NRG3: variants seen among roughly 807,000 people sequenced by gnomAD.
The protein encoded by NRG3 is neuregulin 3.
Under a neutral mutation model 66.9 loss-of-function variants are expected in NRG3, and 31 were observed. That is an observed-to-expected ratio of 0.46 (90% CI 0.35 to 0.63). The LOEUF (loss-of-function observed/expected upper bound fraction) is 0.63, where lower values mean the gene tolerates loss of function less well. Among genes scored for constraint, NRG3 ranks in the 20% least tolerant of loss-of-function variants. NRG3 has a pLI of 0.00. For missense variants in NRG3, 910 were observed against 878.9 expected, an observed-to-expected ratio of 1.04 and a Z score of -0.45; for synonymous variants, 393 against 359.4, an observed-to-expected ratio of 1.09 and a Z score of -1.06.
At chr10:82,488,829 G>A (rs961239222) in intron 2 of NRG3, among the ~76,000 whole-genome samples, 35 of 152,068 alleles carry the variant, frequency 2.3e-4, no homozygotes, top group African/African-American at 8.5e-4. Context: ...TTTTCATGAA[G>A]ATCTTCATAC....
intron 1 of NRG3, among the ~76,000 whole-genome samples, chr10:81,884,292 C>T (rs956435375): frequency 7.9e-5 from 12 of 152,190 alleles, no homozygotes; most frequent in African/African-American, 2.9e-4. Context: ...AGCTCACCTG[C>T]ACTGTACCTG....
intron 2 of NRG3, among the ~76,000 whole-genome samples, chr10:82,367,089 G>A (rs1589869067): frequency 1.3e-5 from 2 of 152,168 alleles, no homozygotes; most frequent in African/African-American, 2.4e-5. Context: ...TCCTTTGTAA[G>A]TTTTAAGACC....
At chr10:82,128,237 G>A (rs2068582616) in intron 1 of NRG3, among the ~76,000 whole-genome samples, 1 of 151,946 alleles carries the variant, frequency 6.6e-6, no homozygotes, top group Non-Finnish European at 1.5e-5. Context: ...GTGCATAATG[G>A]CATTGCATTT....
chr10:81,877,944 A>T, intron 1 of NRG3: 2 of 1,537,524 alleles, frequency 1.3e-6, no homozygotes, highest in South Asian at 1.2e-5. Flanking sequence ...TGCTCTTTTG[A>T]TGCAGTTGAT....
intron 1 of NRG3, among the ~76,000 whole-genome samples, chr10:82,207,846 A>G (rs1230478351): frequency 6.6e-6 from 1 of 152,164 alleles, no homozygotes. Flanking sequence ...TGCCCCCATG[A>G]TTCAATTACC....
intron 1 of NRG3, among the ~76,000 whole-genome samples, chr10:82,068,634 T>C (rs1013404371): frequency 8.6e-5 from 13 of 152,018 alleles, no homozygotes; most frequent in Non-Finnish European, 1.0e-4. Context: ...AATATTAGAA[T>C]TGAGCTGTAA....
chr10:82,981,240 G>T (rs1486809218), intron 8 of NRG3, among the ~76,000 whole-genome samples: 2 of 152,152 alleles, frequency 1.3e-5, no homozygotes, highest in East Asian at 3.9e-4. Flanking sequence ...TTTTCTGCGT[G>T]GTGGTGGTTT....
chr10:82,778,086 G>T (rs537055738), intron 3 of NRG3, among the ~76,000 whole-genome samples: 1 of 152,298 alleles, frequency 6.6e-6, no homozygotes, highest in African/African-American at 2.4e-5. Context: ...CAGCTGCTCT[G>T]CTGGACTGGG....
intron 1 of NRG3, among the ~76,000 whole-genome samples, chr10:81,939,236 T>C (rs1848184600): frequency 6.6e-6 from 1 of 152,052 alleles, no homozygotes; most frequent in South Asian, 2.1e-4. Flanking sequence ...TTTTATTTTA[T>C]GGTAGTTTCT....
At chr10:81,908,356 A>G (rs1471796798) in intron 1 of NRG3, among the ~76,000 whole-genome samples, 1 of 152,170 alleles carries the variant, frequency 6.6e-6, no homozygotes, top group Non-Finnish European at 1.5e-5. Context: ...TCATGAGCCA[A>G]TACAATGAGC....
At chr10:82,139,489 C>T (rs1814816454) in intron 1 of NRG3, among the ~76,000 whole-genome samples, 3 of 152,146 alleles carry the variant, frequency 2.0e-5, no homozygotes, top group African/African-American at 4.8e-5. Context: ...GTGTTTGTTG[C>T]TTTAATTGTA....
chr10:82,125,259 T>TTATGTGTGTGTGTG (rs2068362409), intron 1 of NRG3, among the ~76,000 whole-genome samples: 1 of 151,724 alleles, frequency 6.6e-6, no homozygotes, highest in Non-Finnish European at 1.5e-5. Context: ...GTGTGTGTGT[T>TTATGTGTGTGTGTG]TATGTGTGTG....
At chr10:81,895,378 A>C (rs867698734) in intron 1 of NRG3, among the ~76,000 whole-genome samples, 1 of 152,164 alleles carries the variant, frequency 6.6e-6, no homozygotes, top group Non-Finnish European at 1.5e-5. Context: ...ATAGATCTGC[A>C]TACTCAGATT....
chr10:82,640,526 G>A (rs116010571), intron 2 of NRG3, among the ~76,000 whole-genome samples: 61 of 152,256 alleles, frequency 4.0e-4, no homozygotes, highest in African/African-American at 1.4e-3. Flanking sequence ...GGACTGGACA[G>A]GGTGCATTTA....
At chr10:82,747,316 A>AT (rs2058685876) in intron 3 of NRG3, among the ~76,000 whole-genome samples, 1 of 151,922 alleles carries the variant, frequency 6.6e-6, no homozygotes, top group South Asian at 2.1e-4. Context: ...TGGGTTTCCA[A>AT]TTTTGCCTGC....
At chr10:82,167,100 A>C (rs2072138929) in intron 1 of NRG3, among the ~76,000 whole-genome samples, 1 of 151,490 alleles carries the variant, frequency 6.6e-6, no homozygotes, top group Non-Finnish European at 1.5e-5. Flanking sequence ...TTTTTAAATT[A>C]TTTTTTCAAA....
At chr10:82,981,384 A>G (rs1278531670) in intron 8 of NRG3, among the ~76,000 whole-genome samples, 1 of 152,214 alleles carries the variant, frequency 6.6e-6, no homozygotes, top group Non-Finnish European at 1.5e-5. Flanking sequence ...ACCCAGCACA[A>G]TGAATCTCAG....
intron 1 of NRG3, among the ~76,000 whole-genome samples, chr10:82,085,502 A>T (rs61424183): frequency 0.027 from 4,163 of 152,166 alleles, 216 homozygotes; most frequent in African/African-American, 0.096. Context: ...GCATCACCCC[A>T]TGGTGGAAGG....
At chr10:82,359,236 T>G (rs922404530) in intron 2 of NRG3, among the ~76,000 whole-genome samples, 1 of 152,242 alleles carries the variant, frequency 6.6e-6, no homozygotes, top group Non-Finnish European at 1.5e-5. Flanking sequence ...ACCTACAGAC[T>G]GTGGCAGGAG....
Sources: gnomAD v4.1 joint callset for allele counts (sites outside exome capture counted in the v4.1 genomes callset) on GRCh38, gnomAD v4.1.1 for gene constraint, MANE v1.5 for transcripts, NCBI Gene and HGNC (gene_info 2026-07-23, HGNC 2026-07-21) for gene names.